Variants in MSRA observed in about 807,000 individuals in gnomAD.
MSRA encodes the protein mitochondrial peptide methionine sulfoxide reductase.
Under a neutral mutation model 31.3 loss-of-function variants are expected in MSRA, and 54 were observed. The ratio of observed to expected loss-of-function variants is 1.73; its 90% CI spans 1.39 to 2.17. The LOEUF (loss-of-function observed/expected upper bound fraction) is 2.17. Among genes scored for constraint, MSRA ranks in the 30% most tolerant of loss-of-function variants. The probability of loss-of-function intolerance (pLI) is 0.00; values close to 1 mark genes in which losing one functional copy is unlikely to be tolerated. For synonymous variants in MSRA, 169 were observed against 116.5 expected (o/e 1.45, Z -2.90); for missense variants, 507 against 300.9 (o/e 1.69, Z -5.07).
At chr8:10,105,039 T>C (rs1282768080) in intron 1 of MSRA, among the ~76,000 whole-genome samples, 2 of 152,244 alleles carry the variant, frequency 1.3e-5, no homozygotes, top group African/African-American at 2.4e-5. Flanking sequence ...CTTAGTGAGA[T>C]TGAACATCTT....
chr8:10,239,030 G>A (rs1254265771), intron 2 of MSRA, among the ~76,000 whole-genome samples: 10 of 152,010 alleles, frequency 6.6e-5, no homozygotes, highest in African/African-American at 2.4e-4. Context: ...CATAAAAATT[G>A]CAACAAACCA....
chr8:10,194,353 G>A (rs1475274251), intron 1 of MSRA, among the ~76,000 whole-genome samples: 2 of 152,136 alleles, frequency 1.3e-5, no homozygotes, highest in Non-Finnish European at 2.9e-5. Flanking sequence ...GATCACTTGA[G>A]GTCAGGAGTT....
At chr8:10,174,962 G>T (rs554998110) in intron 1 of MSRA, among the ~76,000 whole-genome samples, 1 of 152,222 alleles carries the variant, frequency 6.6e-6, no homozygotes, top group Non-Finnish European at 1.5e-5. Flanking sequence ...CCCTTTCCCT[G>T]TTAATCCACA....
intron 1 of MSRA, among the ~76,000 whole-genome samples, chr8:10,104,239 C>G (rs1203248578): frequency 1.3e-5 from 2 of 152,134 alleles, no homozygotes; most frequent in Non-Finnish European, 2.9e-5. Flanking sequence ...CAGCTTTACT[C>G]AGTAATGCCA....
At position 10,259,419 on chromosome 8, in the gene MSRA, A is replaced by C. The variant is rs139305811; in HGVS notation, c.331+14196A>C. Among the ~76,000 whole-genome samples the C allele has an allele frequency of 6.3e-3, 966 of 152,284 alleles. 6 individuals carry two copies. Among genetic ancestry groups the C allele is most frequent in the African/African-American group, 0.022 (923 of 41,564 alleles). On this transcript the variant is annotated intron_variant, in intron 3 of 5. Coordinates refer to ENST00000317173, the MANE Select transcript of MSRA (RefSeq NM_012331.5). ...CAGGTTGGTGAAAGGAACACTGCTC[A>C]TAATTAGAGTCAGGTGGTAAAGGAC...
At chr8:10,084,494 G>C (rs1238365532) in intron 1 of MSRA, among the ~76,000 whole-genome samples, 2 of 152,200 alleles carry the variant, frequency 1.3e-5, no homozygotes, top group Admixed American at 6.5e-5. Flanking sequence ...GTGGGGATTG[G>C]CTCAATTTTA....
At chr8:10,121,926 C>G (rs999521322) in intron 1 of MSRA, among the ~76,000 whole-genome samples, 1 of 151,680 alleles carries the variant, frequency 6.6e-6, no homozygotes, top group Non-Finnish European at 1.5e-5. Flanking sequence ...AGTGATCCTC[C>G]TTCCTTGGGC....
intron 3 of MSRA, among the ~76,000 whole-genome samples, chr8:10,270,763 A>G (rs1045531553): frequency 1.3e-5 from 2 of 152,244 alleles, no homozygotes; most frequent in African/African-American, 4.8e-5. Context: ...AGACCCTATG[A>G]AGAATTTAGG....
rs540805717 is a variant in MSRA, at chr8:10,175,837, C to A, written c.143-31996C>A. On this transcript the variant is annotated intron_variant, in intron 1 of 5. Coordinates refer to ENST00000317173, the MANE Select transcript of MSRA (RefSeq NM_012331.5). ...TTGTGTGGGTAGCCACAACTCTATTCGCCGTTTTTAATATTTACTTTTGGC... is the reference window on the plus strand; with the variant it reads ...TTGTGTGGGTAGCCACAACTCTATTAGCCGTTTTTAATATTTACTTTTGGC... Among the ~76,000 whole-genome samples, 6 of 152,318 alleles carry A rather than the reference C, an allele frequency of 3.9e-5. No individual in the cohort carries two copies. In the East Asian group the frequency reaches 1.2e-3, roughly 29 times the overall value.
At chr8:10,373,307 A>T (rs563911082) in intron 5 of MSRA, among the ~76,000 whole-genome samples, 1 of 152,362 alleles carries the variant, frequency 6.6e-6, no homozygotes, top group South Asian at 2.1e-4. Flanking sequence ...AGATTAGGTA[A>T]ATTGTCCACA....
At chr8:10,120,275 G>T (rs148117250) in intron 1 of MSRA, among the ~76,000 whole-genome samples, 1 of 152,162 alleles carries the variant, frequency 6.6e-6, no homozygotes, top group African/African-American at 2.4e-5. Flanking sequence ...TGCTGAGCTT[G>T]GAAACAATCA....
At chr8:10,324,361 G>A (rs1010591327) in intron 5 of MSRA, among the ~76,000 whole-genome samples, 1 of 152,220 alleles carries the variant, frequency 6.6e-6, no homozygotes, top group Non-Finnish European at 1.5e-5. Context: ...GTAGAGGGGT[G>A]GAGCATGTCA....
chr8:10,409,975 G>A (rs1442206824), intron 5 of MSRA, among the ~76,000 whole-genome samples: 1 of 152,178 alleles, frequency 6.6e-6, no homozygotes, highest in Non-Finnish European at 1.5e-5. Context: ...CAGGAGGATC[G>A]CTGGAGCCCA....
At chr8:10,391,243 G>A (rs559504176) in intron 5 of MSRA, among the ~76,000 whole-genome samples, 1 of 152,292 alleles carries the variant, frequency 6.6e-6, no homozygotes, top group African/African-American at 2.4e-5. Context: ...TTTGAAAAGA[G>A]GTTTATTTCT....
At chr8:10,303,970 C>G (rs936242123) in intron 4 of MSRA, among the ~76,000 whole-genome samples, 1 of 152,032 alleles carries the variant, frequency 6.6e-6, no homozygotes, top group Non-Finnish European at 1.5e-5. Context: ...GAGTCTTAAT[C>G]CTTTGCTCAA....
intron 5 of MSRA, among the ~76,000 whole-genome samples, chr8:10,407,204 C>A (rs537368840): frequency 1.3e-5 from 2 of 152,290 alleles, no homozygotes; most frequent in South Asian, 4.1e-4. Context: ...TCTTTGTGTT[C>A]TTGCAAATGT....
chr8:10,256,459 G>A (rs946116926), intron 3 of MSRA, among the ~76,000 whole-genome samples: 1 of 152,212 alleles, frequency 6.6e-6, no homozygotes, highest in African/African-American at 2.4e-5. Flanking sequence ...ACGTTCAGTA[G>A]AGATTAATGC....
intron 1 of MSRA, among the ~76,000 whole-genome samples, chr8:10,197,686 C>T (rs1808115383): frequency 6.6e-6 from 1 of 152,170 alleles, no homozygotes; most frequent in Non-Finnish European, 1.5e-5. Context: ...CAACGTCCAT[C>T]CGCCCTGCCT....
chr8:10,383,879 G>C (rs1806223578), intron 5 of MSRA, among the ~76,000 whole-genome samples: 1 of 152,132 alleles, frequency 6.6e-6, no homozygotes, highest in Non-Finnish European at 1.5e-5. Context: ...TTGTTTGTGA[G>C]AGCGTCAAAG....
Sources: allele counts gnomAD v4.1 joint callset (sites outside exome capture counted in the v4.1 genomes callset), GRCh38; gene constraint gnomAD v4.1.1; transcripts MANE v1.5; gene names NCBI Gene and HGNC (gene_info 2026-07-23, HGNC 2026-07-21).